Variants in GRIN3A observed in about 807,000 individuals in gnomAD.
GRIN3A encodes the protein glutamate receptor ionotropic, NMDA 3A.
In GRIN3A, 47 loss-of-function variants were observed where a neutral mutation model predicts 92.4. The ratio of observed to expected loss-of-function variants is 0.51; its 90% CI spans 0.40 to 0.65. GRIN3A has a LOEUF of 0.65. Ranked by LOEUF, GRIN3A falls within the 30% of genes least tolerant of loss-of-function variation. GRIN3A has a pLI of 0.00. For missense variants in GRIN3A, 1,324 were observed against 1,393.1 expected (o/e 0.95, Z 0.79); for synonymous variants, 527 against 540.6 (o/e 0.97, Z 0.35).
intron 1 of GRIN3A, among the ~76,000 whole-genome samples, chr9:101,692,574 A>G (rs1315238641): frequency 1.3e-5 from 2 of 152,200 alleles, no homozygotes; most frequent in African/African-American, 4.8e-5. Context: ...GAACCAAATG[A>G]GCTAGGTCAA....
At chr9:101,638,157 G>C (rs1031356347) in intron 3 of GRIN3A, among the ~76,000 whole-genome samples, 2 of 152,082 alleles carry the variant, frequency 1.3e-5, no homozygotes, top group African/African-American at 4.8e-5. Flanking sequence ...GATGTACCTC[G>C]GTATTTTTCT....
At chr9:101,622,489 G>A (rs866030796) in intron 5 of GRIN3A, among the ~76,000 whole-genome samples, 53 of 152,270 alleles carry the variant, frequency 3.5e-4, no homozygotes, top group African/African-American at 1.2e-3. Flanking sequence ...AGGAGCTACC[G>A]ACAAAGCAAT....
chr9:101,607,440 A>G (rs1828301599), intron 6 of GRIN3A, among the ~76,000 whole-genome samples: 1 of 152,198 alleles, frequency 6.6e-6, no homozygotes, highest in Non-Finnish European at 1.5e-5. Context: ...TATGTAAGGT[A>G]AAAAGTAAAC....
chr9:101,737,990 C>A lies in GRIN3A; in HGVS notation c.-11G>T, dbSNP rs1373764782. 3 of 1,532,180 alleles carry A rather than the reference C, an allele frequency of 2.0e-6. No individual in the cohort carries two copies. In the African/African-American group the frequency reaches 4.1e-5, roughly 21 times the overall value. The allele number at this position is 1,532,180 out of a possible 1,614,324, so 94.9% of individuals were successfully genotyped here. Reference sequence around the variant, plus strand: ...ACTCAGTCTCCTCATTACTGAGACCCGCAGGGAGAAAGCGCGCCCCCTCCT... The same window carrying A: ...ACTCAGTCTCCTCATTACTGAGACCAGCAGGGAGAAAGCGCGCCCCCTCCT... On this transcript the variant is annotated 5_prime_UTR_variant, in exon 1 of 9. Coordinates refer to ENST00000361820, the MANE Select transcript of GRIN3A (RefSeq NM_133445.3).
intron 3 of GRIN3A, among the ~76,000 whole-genome samples, chr9:101,652,629 C>T (rs187593586): frequency 6.6e-6 from 1 of 152,074 alleles, no homozygotes; most frequent in Non-Finnish European, 1.5e-5. Context: ...GTATAATGCC[C>T]TGCAGCTGTA....
chr9:101,687,538 G>GA (rs1829554857), intron 1 of GRIN3A, among the ~76,000 whole-genome samples: 1 of 152,036 alleles, frequency 6.6e-6, no homozygotes, highest in East Asian at 1.9e-4. Context: ...CCCATTTCTT[G>GA]GTATTGCTAT....
rs767240617 is a variant in GRIN3A, at chr9:101,628,247, G to A, written c.2498+9C>T. On this transcript the variant is annotated intron_variant, in intron 4 of 8. Transcript: ENST00000361820. ...AATTTTTCTTTGGATCCAAGAGGTT[G>A]ACACTCACTTCAGATACTCCACTCC... 27 of 1,613,540 alleles carry A rather than the reference G, an allele frequency of 1.7e-5. No homozygotes were observed. Among genetic ancestry groups the A allele is most frequent in the Non-Finnish European group, 2.1e-5 (25 of 1,179,700 alleles).
chr9:101,721,569 C>A (rs1334904931), intron 1 of GRIN3A, among the ~76,000 whole-genome samples: 4 of 152,072 alleles, frequency 2.6e-5, no homozygotes, highest in Non-Finnish European at 5.9e-5. Flanking sequence ...AAGTTTGGAA[C>A]CTCCTAGAGA....
At chr9:101,594,731 G>A (rs1391421876) in intron 6 of GRIN3A, 1 of 1,613,764 alleles carries the variant, frequency 6.2e-7, no homozygotes, top group Admixed American at 1.7e-5. Flanking sequence ...ATCACCGTCG[G>A]TGTCGAAGAC....
At chr9:101,634,999 G>A (rs1828766804) in intron 3 of GRIN3A, among the ~76,000 whole-genome samples, 1 of 152,200 alleles carries the variant, frequency 6.6e-6, no homozygotes, top group Non-Finnish European at 1.5e-5. Context: ...TTTTTCTAAT[G>A]TGAATTACTA....
At chr9:101,577,485 A>C (rs1483898357) in intron 8 of GRIN3A, among the ~76,000 whole-genome samples, 1 of 152,212 alleles carries the variant, frequency 6.6e-6, no homozygotes, top group Non-Finnish European at 1.5e-5. Flanking sequence ...AGAGAGATTA[A>C]ATAAGTGACT....
chr9:101,653,418 C>T (rs1564136211), intron 3 of GRIN3A, among the ~76,000 whole-genome samples: 1 of 151,792 alleles, frequency 6.6e-6, no homozygotes, highest in Non-Finnish European at 1.5e-5. Flanking sequence ...ACTTATTGAA[C>T]TATGTTAATT....
chr9:101,693,244 A>AATATATATAT (rs3082770), intron 1 of GRIN3A, among the ~76,000 whole-genome samples: 8 of 128,442 alleles, frequency 6.2e-5, no homozygotes, highest in African/African-American at 2.9e-4. Context: ...TCTCAGCTAA[A>AATATATATAT]ATATATATAT....
At chr9:101,642,550 A>G (rs1178315015) in intron 3 of GRIN3A, among the ~76,000 whole-genome samples, 1 of 152,176 alleles carries the variant, frequency 6.6e-6, no homozygotes, top group African/African-American at 2.4e-5. Context: ...AACCTATGAA[A>G]TGAGATAAAG....
At chr9:101,736,644 A>G (rs1325021014) in intron 1 of GRIN3A, among the ~76,000 whole-genome samples, 3 of 152,148 alleles carry the variant, frequency 2.0e-5, no homozygotes, top group Non-Finnish European at 2.9e-5. Flanking sequence ...TTACACTTTT[A>G]TATATTTCTA....
intron 2 of GRIN3A, among the ~76,000 whole-genome samples, chr9:101,682,899 G>A (rs1378241445): frequency 6.6e-5 from 10 of 152,276 alleles, no homozygotes; most frequent in African/African-American, 1.9e-4. Flanking sequence ...GGAGAATGGC[G>A]TGAACCAGGG....
At chr9:101,671,668 G>A (rs1313107331) in intron 2 of GRIN3A, among the ~76,000 whole-genome samples, 4 of 152,132 alleles carry the variant, frequency 2.6e-5, no homozygotes, top group Admixed American at 2.6e-4. Flanking sequence ...GTTTCTTCTT[G>A]TGGAATGAAA....
Position 101,737,655 on chromosome 9 carries a change from C to G in GRIN3A, c.325G>C (p.Gly109Arg). Residue 109 changes from glycine to arginine, a missense_variant, in exon 1 of 9, where the codon GGC becomes CGC. Transcript: ENST00000361820. ...GSTLHGRGPP[G>R]SRKPGEGARA... ...GCGCCCTCCCCGGGCTTACGGGAGC[C>G]CGGCGGCCCCCGGCCATGCAGGGTG... 6.2e-7 allele frequency: 1 copy of G among 1,600,196 alleles called. No homozygotes were observed. Among genetic ancestry groups the G allele is most frequent in the Non-Finnish European group, 8.5e-7 (1 of 1,175,474 alleles).
chr9:101,581,533 A>G (rs569047733), intron 6 of GRIN3A, among the ~76,000 whole-genome samples: 271 of 152,210 alleles, frequency 1.8e-3, no homozygotes, highest in African/African-American at 6.2e-3. Flanking sequence ...GCCTTTCACC[A>G]TGGGAGGACA....
Sources: gnomAD v4.1 joint callset for allele counts (sites outside exome capture counted in the v4.1 genomes callset) on GRCh38, gnomAD v4.1.1 for gene constraint, MANE v1.5 for transcripts, NCBI Gene and HGNC (gene_info 2026-07-23, HGNC 2026-07-21) for gene names.